KIAA0825: variants seen among roughly 807,000 people sequenced by gnomAD.
KIAA0825 encodes KIAA0825.
A neutral mutation model predicts 147.6 loss-of-function variants in KIAA0825; 119 were observed. The ratio of observed to expected loss-of-function variants is 0.81; its 90% CI spans 0.69 to 0.94. The LOEUF is 0.94. Ranked by LOEUF, KIAA0825 falls within the 40% of genes least tolerant of loss-of-function variation. KIAA0825 has a pLI of 0.00. For synonymous variants in KIAA0825, 470 were observed against 518.1 expected (o/e 0.91, Z 1.26); for missense variants, 1,381 against 1,472.7 (o/e 0.94, Z 1.02).
chr5:94,207,326 G>A (rs1279986168), intron 20 of KIAA0825, among the ~76,000 whole-genome samples: 2 of 152,150 alleles, frequency 1.3e-5, no homozygotes, highest in African/African-American at 4.8e-5. Flanking sequence ...TTGCAAAGAG[G>A]TAAGTTTACA....
intron 20 of KIAA0825, among the ~76,000 whole-genome samples, chr5:94,280,895 C>G (rs1777426961): frequency 6.6e-6 from 1 of 152,052 alleles, no homozygotes; most frequent in African/African-American, 2.4e-5. Context: ...AGAAACCAAA[C>G]TGTATCAGTG....
intron 20 of KIAA0825, among the ~76,000 whole-genome samples, chr5:94,190,451 G>A (rs895804440): frequency 6.7e-6 from 1 of 150,118 alleles, no homozygotes; most frequent in East Asian, 2.0e-4. Context: ...TCAGCCTCCT[G>A]AGTAGGTGGG....
At chr5:94,546,207 A>G (rs1314106772) in intron 2 of KIAA0825, among the ~76,000 whole-genome samples, 1 of 152,162 alleles carries the variant, frequency 6.6e-6, no homozygotes, top group Non-Finnish European at 1.5e-5. Flanking sequence ...AGTAGAACAG[A>G]ACACCAGATA....
At chr5:94,396,755 C>T (rs573385381) in intron 16 of KIAA0825, among the ~76,000 whole-genome samples, 1 of 150,568 alleles carries the variant, frequency 6.6e-6, no homozygotes, top group Non-Finnish European at 1.5e-5. Context: ...AATTTATATT[C>T]TTATCTTTCA....
chr5:94,537,142 T>C lies in KIAA0825; in HGVS notation c.-1-15A>G. ...CCCAATCCATTCTGAGGAGCAAGAA[T>C]AAATAATAAAACATGTCAGTTCCCC... On this transcript the variant is annotated splice_polypyrimidine_tract_variant and intron_variant, in intron 2 of 20. Transcript: ENST00000682413. 6.3e-7 allele frequency: 1 copy of C among 1,593,102 alleles called. No homozygotes were observed. The highest frequency in any genetic ancestry group is 1.8e-5 in the Admixed American group (1 of 56,610).
At chr5:94,290,424 G>A (rs1459555691) in intron 20 of KIAA0825, among the ~76,000 whole-genome samples, 1 of 152,090 alleles carries the variant, frequency 6.6e-6, no homozygotes, top group Non-Finnish European at 1.5e-5. Flanking sequence ...TGAGAATGAT[G>A]GTTTACAGCT....
At chr5:94,386,831 T>C (rs1001154210) in intron 18 of KIAA0825, among the ~76,000 whole-genome samples, 22 of 152,344 alleles carry the variant, frequency 1.4e-4, no homozygotes, top group African/African-American at 3.8e-4. Flanking sequence ...AGCAGAGCAC[T>C]GAGTACTCTG....
At chr5:94,606,896 A>T (rs1299356765) in intron 1 of KIAA0825, among the ~76,000 whole-genome samples, 1 of 152,158 alleles carries the variant, frequency 6.6e-6, no homozygotes, top group Non-Finnish European at 1.5e-5. Context: ...TGTGTATCAC[A>T]TGCAAGACAG....
intron 2 of KIAA0825, among the ~76,000 whole-genome samples, chr5:94,560,428 T>G (rs1301908116): frequency 2.6e-5 from 4 of 152,226 alleles, no homozygotes; most frequent in African/African-American, 9.6e-5. Context: ...CTAATTGCCC[T>G]GTTTCTTGCC....
In KIAA0825 at chr5:94,520,458, C is replaced by G. The variant is rs760690674; in HGVS notation, c.760G>C (p.Val254Leu). 1 of 1,612,508 alleles carries G rather than the reference C, an allele frequency of 6.2e-7. No individual in the cohort carries two copies. Among genetic ancestry groups the G allele is most frequent in the Admixed American group, 1.7e-5 (1 of 59,888 alleles). ...AGTGTGTTAAAATCCTCTTTTATTA[C>G]TGAGTATAACTTAAGCATTGTACTT... Reference protein sequence around the residue: ...YQSTMLKLYSVIKEDFNTLCE... With the variant: ...YQSTMLKLYSLIKEDFNTLCE... The change falls in exon 5 of 21, where the codon GTA becomes CTA. Residue 254 changes from valine to leucine, a missense_variant. Val to Leu is a conservative substitution (Grantham distance 32). Transcript: ENST00000682413.
chr5:94,295,428 T>C (rs1778093105), intron 20 of KIAA0825, among the ~76,000 whole-genome samples: 1 of 152,106 alleles, frequency 6.6e-6, no homozygotes, highest in Non-Finnish European at 1.5e-5. Flanking sequence ...TCTGTCAATT[T>C]GTCAAACTCA....
intron 20 of KIAA0825, among the ~76,000 whole-genome samples, chr5:94,207,422 C>A (rs1454611831): frequency 1.3e-5 from 2 of 152,170 alleles, no homozygotes; most frequent in African/African-American, 2.4e-5. Flanking sequence ...TGCCAGAGAT[C>A]TTTGGCACTC....
intron 20 of KIAA0825, among the ~76,000 whole-genome samples, chr5:94,239,735 CAT>C (rs1276615096): frequency 1.3e-5 from 2 of 152,146 alleles, no homozygotes; most frequent in South Asian, 4.1e-4. Flanking sequence ...ATCAACAAAA[CAT>C]ATGCACCTAT....
chr5:94,363,569 A>G (rs1745374315), intron 20 of KIAA0825, among the ~76,000 whole-genome samples: 1 of 152,210 alleles, frequency 6.6e-6, no homozygotes, highest in African/African-American at 2.4e-5. Context: ...CATATATGTG[A>G]TTTAACATTG....
At chr5:94,170,978 A>T (rs1012521041) in intron 20 of KIAA0825, among the ~76,000 whole-genome samples, 11 of 152,212 alleles carry the variant, frequency 7.2e-5, no homozygotes, top group Admixed American at 2.6e-4. Context: ...AGAAGCATTA[A>T]ATTACACAAA....
intron 20 of KIAA0825, 94 bp from the exon 21 acceptor site, chr5:94,154,218 T>C (rs1766821011): frequency 1.3e-6 from 1 of 772,756 alleles, no homozygotes; most frequent in Non-Finnish European, 2.2e-6. Flanking sequence ...TCTTGGCTTA[T>C]TGAGTCATCT....
At chr5:94,503,660 A>C (rs1399260470) in intron 5 of KIAA0825, among the ~76,000 whole-genome samples, 1 of 128,382 alleles carries the variant, frequency 7.8e-6, no homozygotes, top group Non-Finnish European at 1.6e-5. Flanking sequence ...ATCATCTGAC[A>C]ATATCTCTTG....
At chr5:94,159,069 G>A (rs1214002164) in intron 20 of KIAA0825, among the ~76,000 whole-genome samples, 1 of 152,116 alleles carries the variant, frequency 6.6e-6, no homozygotes, top group Non-Finnish European at 1.5e-5. Context: ...ACAACAGCAG[G>A]GCTGATGACT....
At chr5:94,259,935 G>C (rs543735495) in intron 20 of KIAA0825, among the ~76,000 whole-genome samples, 4 of 151,934 alleles carry the variant, frequency 2.6e-5, no homozygotes, top group African/African-American at 9.7e-5. Context: ...ATTTGTCCTT[G>C]TGACTTATAA....
Sources: allele counts gnomAD v4.1 joint callset (sites outside exome capture counted in the v4.1 genomes callset), GRCh38; gene constraint gnomAD v4.1.1; transcripts MANE v1.5; gene names NCBI Gene and HGNC (gene_info 2026-07-23, HGNC 2026-07-21).